EPB41L5: variants seen among roughly 807,000 people sequenced by gnomAD.
EPB41L5 encodes the protein band 4.1-like protein 5.
In EPB41L5, 55 loss-of-function variants were observed where a neutral mutation model predicts 106.6. That is an observed-to-expected ratio of 0.52 (90% CI 0.42 to 0.65). The LOEUF is 0.65. Ranked by LOEUF, EPB41L5 falls within the 30% of genes least tolerant of loss-of-function variation. The pLI is 0.00. For synonymous variants in EPB41L5, 297 were observed against 306.7 expected (o/e 0.97, Z 0.33); for missense variants, 871 against 882.1 (o/e 0.99, Z 0.16).
intron 16 of EPB41L5, among the ~76,000 whole-genome samples, chr2:120,123,098 T>G (rs1685301428): frequency 6.6e-6 from 1 of 152,174 alleles, no homozygotes; most frequent in Non-Finnish European, 1.5e-5. Flanking sequence ...GTGGTCTGAT[T>G]GTTGGTTGCA....
chr2:120,153,942 T>TTTTTAA (rs2105519580), intron 20 of EPB41L5, among the ~76,000 whole-genome samples: 1 of 152,302 alleles, frequency 6.6e-6, no homozygotes, highest in Admixed American at 6.5e-5. Context: ...AAAAATTCTT[T>TTTTTAA]CTGCCACTCT....
Position 120,137,699 on chromosome 2 carries a change from A to G in EPB41L5, c.1600-5304A>G, listed in dbSNP as rs1311507821. Among the ~76,000 whole-genome samples the G allele has an allele frequency of 5.3e-5, 8 of 152,182 alleles. No individual in the cohort carries two copies. In the East Asian group the frequency reaches 1.3e-3, roughly 26 times the overall value. On this transcript the variant is annotated intron_variant, in intron 18 of 24. Coordinates refer to ENST00000263713, the MANE Select transcript of EPB41L5 (RefSeq NM_020909.4). ...AGACCAATAACAAGTAACAAGATCG[A>G]AGCTGTAATAAAAAGTCTCCCAGCA...
intron 24 of EPB41L5, among the ~76,000 whole-genome samples, chr2:120,173,508 C>G (rs1466219438): frequency 6.6e-6 from 1 of 152,146 alleles, no homozygotes; most frequent in African/African-American, 2.4e-5. Context: ...CTTTGAGAAC[C>G]AGGGACACAG....
At chr2:120,096,548 G>A (rs1029382482) in intron 14 of EPB41L5, among the ~76,000 whole-genome samples, 2 of 152,134 alleles carry the variant, frequency 1.3e-5, no homozygotes, top group African/African-American at 2.4e-5. Flanking sequence ...CTAACACTTT[G>A]GGAGGCCAAG....
intron 2 of EPB41L5, among the ~76,000 whole-genome samples, chr2:120,030,183 C>T (rs1678608598): frequency 1.3e-5 from 2 of 152,194 alleles, no homozygotes; most frequent in African/African-American, 4.8e-5. Context: ...TGGTAATAAC[C>T]ATTTCCCGAA....
At chr2:120,108,247 T>C (rs1684562250) in intron 16 of EPB41L5, 1 of 152,130 alleles carries the variant, frequency 6.6e-6, no homozygotes, top group South Asian at 2.1e-4. Context: ...AAAAGAGATA[T>C]CTGATTCAGA....
intron 24 of EPB41L5, among the ~76,000 whole-genome samples, chr2:120,170,686 A>G (rs1687636222): frequency 6.6e-6 from 1 of 152,244 alleles, no homozygotes; most frequent in Non-Finnish European, 1.5e-5. Flanking sequence ...TGGTTAAAGT[A>G]AGTCACAAGT....
At chr2:120,136,945 G>C (rs1329529845) in intron 18 of EPB41L5, among the ~76,000 whole-genome samples, 1 of 151,986 alleles carries the variant, frequency 6.6e-6, no homozygotes, top group African/African-American at 2.4e-5. Flanking sequence ...TCAGCGCACA[G>C]ATTATTCTCA....
At chr2:120,046,769 C>A (rs901722162) in intron 3 of EPB41L5, among the ~76,000 whole-genome samples, 13 of 152,094 alleles carry the variant, frequency 8.5e-5, no homozygotes, top group Admixed American at 7.9e-4. Context: ...CCTAGGTTTT[C>A]TTCTAGGGTT....
chr2:120,032,046 G>T (rs1305109515), intron 2 of EPB41L5, among the ~76,000 whole-genome samples: 1 of 152,098 alleles, frequency 6.6e-6, no homozygotes, highest in East Asian at 1.9e-4. Context: ...ATTTTGCAAG[G>T]GTTCAGAGGC....
intron 24 of EPB41L5, among the ~76,000 whole-genome samples, chr2:120,170,761 G>A (rs990259985): frequency 1.4e-4 from 22 of 152,092 alleles, no homozygotes; most frequent in Admixed American, 8.5e-4. Context: ...GAGATCTTTG[G>A]GGTTCATCTT....
intron 24 of EPB41L5, among the ~76,000 whole-genome samples, chr2:120,171,669 G>C (rs1193535640): frequency 1.3e-5 from 2 of 152,202 alleles, no homozygotes; most frequent in African/African-American, 4.8e-5. Flanking sequence ...AGAGAAAAAG[G>C]CCTGCACATA....
chr2:120,147,930 T>C (rs1686481831), intron 20 of EPB41L5, among the ~76,000 whole-genome samples: 1 of 152,160 alleles, frequency 6.6e-6, no homozygotes, highest in East Asian at 1.9e-4. Flanking sequence ...TATATAAACA[T>C]GGGTGTATTT....
At chr2:120,097,184 T>G (rs1225608569) in intron 14 of EPB41L5, among the ~76,000 whole-genome samples, 1 of 152,186 alleles carries the variant, frequency 6.6e-6, no homozygotes, top group African/African-American at 2.4e-5. Flanking sequence ...AATGGTATAT[T>G]TAAGGAATGG....
At position 120,091,453 on chromosome 2, in the gene EPB41L5, G is replaced by A. The variant is rs187885649; in HGVS notation, c.1044-102G>A. On this transcript the variant is annotated intron_variant, in intron 12 of 24. Transcript: ENST00000263713. Reference sequence around the variant, plus strand: ...AGCTGTTCCTGTGCGATGAAGTTTAGGATGATTCTTTTAAGGAGAACCTGA... The same window carrying A: ...AGCTGTTCCTGTGCGATGAAGTTTAAGATGATTCTTTTAAGGAGAACCTGA... The A allele has an allele frequency of 5.4e-3, 4,049 of 747,874 alleles. 21 individuals are homozygous for A. Among genetic ancestry groups the A allele is most frequent in the Non-Finnish European group, 7.2e-3 (3,131 of 434,114 alleles). 46.3% of individuals were successfully genotyped at this position (747,874 alleles called of 1,614,324 possible). A position where few individuals can be genotyped will look rare whatever the true frequency, so the allele number is the denominator to read the frequency against.
chr2:120,085,227 T>A (rs573470611), intron 10 of EPB41L5, among the ~76,000 whole-genome samples: 61 of 152,326 alleles, frequency 4.0e-4, no homozygotes, highest in African/African-American at 1.4e-3. Context: ...GCTTTTCTGC[T>A]CTGTTTTTTC....
intron 20 of EPB41L5, among the ~76,000 whole-genome samples, chr2:120,158,020 GACAC>G: frequency 6.6e-6 from 1 of 152,072 alleles, no homozygotes; most frequent in South Asian, 2.1e-4. Flanking sequence ...TAAATTCCTG[GACAC>G]ACACACTCTC....
chr2:120,094,894 G>T (rs982677264), intron 14 of EPB41L5, among the ~76,000 whole-genome samples: 1 of 152,044 alleles, frequency 6.6e-6, no homozygotes, highest in African/African-American at 2.4e-5. Flanking sequence ...ATTCCATAAT[G>T]GGTAGAGGAC....
intron 3 of EPB41L5, among the ~76,000 whole-genome samples, chr2:120,057,494 CA>C (rs1352580554): frequency 6.6e-6 from 1 of 152,150 alleles, no homozygotes; most frequent in East Asian, 1.9e-4. Flanking sequence ...CCCCCAAGCC[CA>C]ACTATGAATT....
Sources: gnomAD v4.1 joint callset for allele counts (sites outside exome capture counted in the v4.1 genomes callset) on GRCh38, gnomAD v4.1.1 for gene constraint, MANE v1.5 for transcripts, NCBI Gene and HGNC (gene_info 2026-07-23, HGNC 2026-07-21) for gene names.